FAM13B: variants seen among roughly 807,000 people sequenced by gnomAD.
FAM13B encodes protein FAM13B.
A neutral mutation model predicts 117.3 loss-of-function variants in FAM13B; 60 were observed. That is an observed-to-expected ratio of 0.51 (90% CI 0.42 to 0.63). The LOEUF is 0.63. Among genes scored for constraint, FAM13B ranks in the 30% least tolerant of loss-of-function variants. FAM13B has a pLI of 0.00. For synonymous variants in FAM13B, 332 were observed against 356.1 expected (o/e 0.93, Z 0.76); for missense variants, 972 against 1,091.9 (o/e 0.89, Z 1.55).
At chr5:138,017,965 T>C (rs768479332) in intron 4 of FAM13B, among the ~76,000 whole-genome samples, 1 of 152,214 alleles carries the variant, frequency 6.6e-6, no homozygotes, top group Non-Finnish European at 1.5e-5. Context: ...CTTTGGCTAC[T>C]ATTGGACATT....
chr5:138,001,095 T>G (rs1215557244), intron 7 of FAM13B, among the ~76,000 whole-genome samples: 1 of 152,186 alleles, frequency 6.6e-6, no homozygotes, highest in Non-Finnish European at 1.5e-5. Flanking sequence ...CAATAACTTT[T>G]TATAAGGGTA....
chr5:137,997,281 A>G (rs992665855), intron 7 of FAM13B, among the ~76,000 whole-genome samples: 1 of 152,120 alleles, frequency 6.6e-6, no homozygotes, highest in Non-Finnish European at 1.5e-5. Flanking sequence ...CAGCCTGCCC[A>G]ACATGGTGAA....
Position 138,032,871 on chromosome 5 carries a change from T to C in FAM13B, c.-292A>G. ...AGAGGGCGAGAACTGAGGCCCCAAGTGGCTCCGCGGCCGAGAAGCCTCTTC... is the reference window on the plus strand; with the variant it reads ...AGAGGGCGAGAACTGAGGCCCCAAGCGGCTCCGCGGCCGAGAAGCCTCTTC... On this transcript the variant is annotated 5_prime_UTR_variant, in exon 1 of 24. Coordinates refer to ENST00000689681, the MANE Select transcript of FAM13B (RefSeq NM_001385994.1). 1 of 985,618 alleles carries C rather than the reference T, an allele frequency of 1.0e-6. No homozygotes were observed. The highest frequency in any genetic ancestry group is 1.7e-5 in the African/African-American group (1 of 57,352). The allele number at this position is 985,618 out of a possible 1,614,324, so 61.1% of individuals were successfully genotyped here.
In FAM13B at chr5:138,024,665, T is replaced by G. The variant is rs150759234; in HGVS notation, c.-202-3468A>C. 2.2e-3 allele frequency among the ~76,000 whole-genome samples: 328 copies of G among 150,604 alleles called. 3 individuals carry two copies. Among genetic ancestry groups the G allele is most frequent in the African/African-American group, 7.6e-3 (310 of 41,020 alleles). Reference sequence around the variant, plus strand: ...AGATCTAATAAAATGTCCTAGCAGATAGAATCAATAAAATGTCGAGAAAGC... The same window carrying G: ...AGATCTAATAAAATGTCCTAGCAGAGAGAATCAATAAAATGTCGAGAAAGC... On this transcript the variant is annotated intron_variant, in intron 1 of 23. Transcript: ENST00000689681.
intron 6 of FAM13B, among the ~76,000 whole-genome samples, chr5:138,007,992 T>C (rs558730332): frequency 3.9e-5 from 6 of 152,356 alleles, no homozygotes; most frequent in African/African-American, 1.4e-4. Flanking sequence ...TAAATGTGTT[T>C]ACTACTACAT....
chr5:137,948,401 CTTTATTTA>C (rs144781317), intron 18 of FAM13B, among the ~76,000 whole-genome samples: 2 of 151,718 alleles, frequency 1.3e-5, no homozygotes, highest in African/African-American at 4.8e-5. Context: ...CTGTTTCATG[CTTTATTTA>C]TTTATTTATT....
rs190648766 is a variant in FAM13B at position 138,006,402 on chromosome 5, T to C, written c.848+588A>G. Among the ~76,000 whole-genome samples the C allele has an allele frequency of 1.1e-4, 16 of 152,304 alleles. No homozygotes were observed. In the East Asian group the frequency reaches 1.9e-3, roughly 18 times the overall value. On this transcript the variant is annotated intron_variant, in intron 7 of 23. Coordinates refer to ENST00000689681, the MANE Select transcript of FAM13B (RefSeq NM_001385994.1). ...AAACTGGGTTACATCCTTTAAGTAG[T>C]CTGGAAATATTTATCAAAAGCCACA...
Position 138,018,335 on chromosome 5 carries a change from T to C in FAM13B, c.337A>G (p.Ser113Gly). Residue 113 changes from serine (S) to glycine (G), a missense_variant, in exon 4 of 24, where the codon AGT becomes GGT. Transcript: ENST00000689681. ...QELPEPVIPG[S>G]LHIHLMQLSQ... ...AGCTGCATCAAGTGAATATGTAAAC[T>C]GCCAGGGATAACAGGTTCAGGAAGT... The C allele has an allele frequency of 6.2e-7, 1 of 1,614,164 alleles. No individual in the cohort carries two copies. The highest frequency in any genetic ancestry group is 8.5e-7 in the Non-Finnish European group (1 of 1,180,004).
chr5:137,962,975 T>A (rs10036824), intron 10 of FAM13B, among the ~76,000 whole-genome samples: 1 of 151,900 alleles, frequency 6.6e-6, no homozygotes, highest in African/African-American at 2.4e-5. Context: ...CTCATCCCTA[T>A]TCCCCCCCAA....
intron 10 of FAM13B, among the ~76,000 whole-genome samples, chr5:137,977,410 C>T (rs1774341047): frequency 6.6e-6 from 1 of 152,152 alleles, no homozygotes; most frequent in African/African-American, 2.4e-5. Context: ...CCTATTCATA[C>T]ACTCCCTCTC....
intron 7 of FAM13B, among the ~76,000 whole-genome samples, chr5:137,999,196 C>G (rs1276957343): frequency 6.6e-6 from 1 of 151,758 alleles, no homozygotes; most frequent in African/African-American, 2.4e-5. Flanking sequence ...TCACTGTAGC[C>G]TGGACCTCCC....
chr5:138,023,541 T>C (rs2151005763), intron 1 of FAM13B, among the ~76,000 whole-genome samples: 1 of 152,270 alleles, frequency 6.6e-6, no homozygotes, highest in South Asian at 2.1e-4. Context: ...TATCACAATT[T>C]ATAGTATGAT....
At chr5:138,051,252 C>A (rs941470280) in intron 1 of FAM13B, among the ~76,000 whole-genome samples, 4 of 152,034 alleles carry the variant, frequency 2.6e-5, no homozygotes, top group African/African-American at 9.7e-5. Flanking sequence ...AAATTTGTTT[C>A]TAGTTTTCAC....
At chr5:137,975,493 T>C (rs6596417) in intron 10 of FAM13B, among the ~76,000 whole-genome samples, 112,183 of 151,950 alleles carry the variant, frequency 0.74, 42,071 homozygotes, top group East Asian at 0.97. Context: ...TAGACCTCCA[T>C]TGGTTCTCAA....
In FAM13B at chr5:138,018,994, ATGGAACCTCATTGTC is replaced by A; in HGVS notation, c.103_117del (p.Asp35_Pro39del). On this transcript the variant is annotated inframe_deletion, in exon 3 of 24. Transcript: ENST00000689681. ...TAGTCCACAACGTGGCGGACTATGA[ATGGAACCTCATTGTC>A]TGGATGTCCTCCCTGCTGCAGCTCA... 1 of 1,614,180 alleles carries A rather than the reference ATGGAACCTCATTGTC, an allele frequency of 6.2e-7. No homozygotes were observed. The highest frequency in any genetic ancestry group is 8.5e-7 in the Non-Finnish European group (1 of 1,180,010).
At chr5:138,025,953 T>C (rs943265230) in intron 1 of FAM13B, among the ~76,000 whole-genome samples, 4 of 152,232 alleles carry the variant, frequency 2.6e-5, no homozygotes, top group Non-Finnish European at 5.9e-5. Context: ...CCTTTCTTAA[T>C]AGCACAGAAT....
In FAM13B at chr5:137,938,677, A is replaced by C. The variant is rs1267982464; in HGVS notation, c.*1548T>G. ...CACCCCCCAGAAAAAGGCATTGCACACACGGGTGAAATGTGAAGTACTAGA... is the reference window on the plus strand; with the variant it reads ...CACCCCCCAGAAAAAGGCATTGCACCCACGGGTGAAATGTGAAGTACTAGA... On this transcript the variant is annotated 3_prime_UTR_variant, in exon 24 of 24. Coordinates refer to ENST00000689681, the MANE Select transcript of FAM13B (RefSeq NM_001385994.1). 1 of 150,390 alleles carries C rather than the reference A, an allele frequency of 6.6e-6. No individual in the cohort carries two copies. Among genetic ancestry groups the C allele is most frequent in the Non-Finnish European group, 1.5e-5 (1 of 67,514 alleles). The allele number at this position is 150,390 out of a possible 1,614,324, so 9.3% of individuals were successfully genotyped here. A position where few individuals can be genotyped will look rare whatever the true frequency, so the allele number is the denominator to read the frequency against.
chr5:138,041,700 G>A (rs1249980445), intron 1 of FAM13B, among the ~76,000 whole-genome samples: 2 of 151,936 alleles, frequency 1.3e-5, no homozygotes, highest in Admixed American at 1.3e-4. Flanking sequence ...ACTTTGGGAG[G>A]CCAAGGCAGG....
intron 1 of FAM13B, among the ~76,000 whole-genome samples, chr5:138,031,310 C>T (rs549244532): frequency 6.6e-6 from 1 of 152,288 alleles, no homozygotes; most frequent in East Asian, 1.9e-4. Flanking sequence ...AGAACTTAAG[C>T]TGTGTCACAC....
Sources: allele counts gnomAD v4.1 joint callset (sites outside exome capture counted in the v4.1 genomes callset), GRCh38; gene constraint gnomAD v4.1.1; transcripts MANE v1.5; gene names NCBI Gene and HGNC (gene_info 2026-07-23, HGNC 2026-07-21).